Variants in EXOC6 observed in about 807,000 individuals in gnomAD.
The protein encoded by EXOC6 is SEC15-like 1.
Under a neutral mutation model 112.5 loss-of-function variants are expected in EXOC6, and 60 were observed. The ratio of observed to expected loss-of-function variants is 0.53; its 90% CI spans 0.43 to 0.66. EXOC6 has a LOEUF of 0.66. Ranked by LOEUF, EXOC6 falls within the 30% of genes least tolerant of loss-of-function variation. The pLI is 0.00. For missense variants in EXOC6, 855 were observed against 957.1 expected (o/e 0.89, Z 1.41); for synonymous variants, 295 against 308.0 (o/e 0.96, Z 0.44).
At chr10:92,894,698 T>A (rs1367784480) in intron 2 of EXOC6, 96 bp from the exon 3 acceptor site, 37 of 932,216 alleles carry the variant, frequency 4.0e-5, no homozygotes, top group Non-Finnish European at 5.8e-5. Flanking sequence ...TTGTTCTAAG[T>A]TTCTCATGAA....
intron 19 of EXOC6, among the ~76,000 whole-genome samples, chr10:93,003,479 C>T (rs995667774): frequency 6.6e-5 from 10 of 151,994 alleles, no homozygotes; most frequent in Non-Finnish European, 1.0e-4. Flanking sequence ...TTCCTTGTGA[C>T]GGGTGACACA....
At chr10:92,830,979 G>A (rs1846465139), upstream of EXOC6, among the ~76,000 whole-genome samples, 1 of 152,188 alleles carries the variant, frequency 6.6e-6, no homozygotes, top group Non-Finnish European at 1.5e-5. Flanking sequence ...TATGAGACAG[G>A]GGAGATTGTT....
chr10:93,056,926 C>T lies in EXOC6; in HGVS notation c.2172C>T (p.Leu724=), dbSNP rs181544052. ...LQLAFIDLRQ[L]LDLFMVWDWS... Reference sequence around the variant, plus strand: ...AACATTTCCCCCATCTTTCGCAGCTCCTTGACCTGTTTATGGTTTGGGATT... The same window carrying T: ...AACATTTCCCCCATCTTTCGCAGCTTCTTGACCTGTTTATGGTTTGGGATT... Residue 724 remains leucine, a splice_region_variant and synonymous_variant, in exon 21 of 22, where the codon CTC becomes CTT. Transcript: ENST00000260762. The T allele has an allele frequency of 7.0e-5, 111 of 1,580,232 alleles. No individual in the cohort carries two copies. The East Asian group carries it at 2.3e-3, about 33-fold the overall frequency.
chr10:92,976,740 A>G (rs1195457313), intron 18 of EXOC6, among the ~76,000 whole-genome samples: 2 of 152,030 alleles, frequency 1.3e-5, no homozygotes, highest in African/African-American at 4.8e-5. Context: ...ATTACTGGCT[A>G]TTTTTGAGCC....
At chr10:92,837,526 G>A (rs989028114) in intron 1 of EXOC6, among the ~76,000 whole-genome samples, 3 of 152,206 alleles carry the variant, frequency 2.0e-5, no homozygotes, top group Admixed American at 1.3e-4. Context: ...AAAATTAGTT[G>A]GTGGCTTGTG....
chr10:92,928,434 A>G lies in EXOC6; in HGVS notation c.972+12A>G. On this transcript the variant is annotated intron_variant, in intron 9 of 21. Coordinates refer to ENST00000260762, the MANE Select transcript of EXOC6 (RefSeq NM_019053.6). ...CCCAGTCGAATATGGTAAGTATGCGATATTTTGAATTGGTTATGTTGTCAC... is the reference window on the plus strand; with the variant it reads ...CCCAGTCGAATATGGTAAGTATGCGGTATTTTGAATTGGTTATGTTGTCAC... 6.5e-7 allele frequency: 1 copy of G among 1,539,396 alleles called. No homozygotes were observed. Among genetic ancestry groups the G allele is most frequent in the Non-Finnish European group, 9.0e-7 (1 of 1,115,192 alleles).
At chr10:92,851,710 C>CA (rs920938055) in intron 1 of EXOC6, among the ~76,000 whole-genome samples, 15 of 150,258 alleles carry the variant, frequency 1.0e-4, no homozygotes, top group African/African-American at 3.4e-4. Context: ...ACCAAACAAA[C>CA]AAAAAAACGG....
rs1564859214 is a variant in EXOC6 at position 92,954,648 on chromosome 10, T to C, written c.1545T>C (p.Asp515=). The change falls in exon 16 of 22, where the codon GAT becomes GAC. Residue 515 remains aspartate (D), a synonymous_variant. Transcript: ENST00000260762. ...SLHRSSTEID[D]MLRKSTNLLL... ...TTTTTAGCTCAACAGAAATAGACGA[T>C]ATGCTTAGAAAATCAACAAATCTGC... is the stretch of plus-strand genomic sequence containing the variant. 4.4e-6 allele frequency: 7 copies of C among 1,595,616 alleles called. No homozygotes were observed. The highest frequency in any genetic ancestry group is 6.0e-6 in the Non-Finnish European group (7 of 1,165,788).
chr10:92,961,781 A>G (rs1239901575), intron 17 of EXOC6, among the ~76,000 whole-genome samples: 2 of 151,704 alleles, frequency 1.3e-5, no homozygotes, highest in African/African-American at 4.8e-5. Context: ...GCAGAAATAG[A>G]GTAGGGAGAT....
At chr10:92,957,694 A>C (rs17108019) in intron 17 of EXOC6, among the ~76,000 whole-genome samples, 3,010 of 152,270 alleles carry the variant, frequency 0.02, 141 homozygotes, top group East Asian at 0.15. Context: ...TTTGAAGGTC[A>C]AGTATTTTTC....
Position 92,858,029 on chromosome 10 carries a change from CT to C in EXOC6, c.101+9396del, listed in dbSNP as rs200549943. Among the ~76,000 whole-genome samples, 74 of 136,102 alleles carry C rather than the reference CT, an allele frequency of 5.4e-4. 9 individuals are homozygous for C. The highest frequency in any genetic ancestry group is 1.1e-3 in the South Asian group (4 of 3,714). 89.3% of individuals were successfully genotyped at this position (136,102 alleles called of 152,430 possible). On this transcript the variant is annotated intron_variant, in intron 1 of 21. Coordinates refer to ENST00000260762, the MANE Select transcript of EXOC6 (RefSeq NM_019053.6). ...GATTTTTAGTTGACGGGTTCCCCCC[CT>C]CCGCCGGCCAGCAGTTTGAATATGT...
At chr10:92,858,625 A>G (rs1054236815) in intron 1 of EXOC6, among the ~76,000 whole-genome samples, 1 of 152,016 alleles carries the variant, frequency 6.6e-6, no homozygotes, top group Non-Finnish European at 1.5e-5. Flanking sequence ...TTCTTTATCC[A>G]TCTCTATTTG....
chr10:92,999,427 TTTC>T (rs1168274896), intron 19 of EXOC6: 2 of 288,964 alleles, frequency 6.9e-6, no homozygotes, highest in South Asian at 2.9e-5. Context: ...TTGAAACTGG[TTTC>T]TTAAGTTTCT....
intron 1 of EXOC6, among the ~76,000 whole-genome samples, chr10:92,835,777 T>C (rs929500014): frequency 2.0e-5 from 3 of 152,154 alleles, no homozygotes; most frequent in African/African-American, 7.2e-5. Context: ...GGTAAACAAT[T>C]GAGATTTGTT....
At chr10:92,893,900 T>A (rs1849625894) in intron 2 of EXOC6, among the ~76,000 whole-genome samples, 1 of 152,222 alleles carries the variant, frequency 6.6e-6, no homozygotes, top group Non-Finnish European at 1.5e-5. Context: ...GTTCTCAGCA[T>A]TATTTAATAA....
upstream of EXOC6, among the ~76,000 whole-genome samples, chr10:92,843,576 G>A (rs751281523): frequency 6.6e-6 from 1 of 152,214 alleles, no homozygotes; most frequent in Non-Finnish European, 1.5e-5. Context: ...TTGGCCGGGC[G>A]CGGTGGCTCA....
chr10:92,987,709 T>C, intron 18 of EXOC6: 1 of 780,500 alleles, frequency 1.3e-6, no homozygotes, highest in Non-Finnish European at 1.6e-6. Flanking sequence ...AGGCTTATTT[T>C]TCTCTGCTTA....
chr10:93,044,150 G>A (rs1357896681), intron 20 of EXOC6, among the ~76,000 whole-genome samples: 1 of 152,138 alleles, frequency 6.6e-6, no homozygotes, highest in Non-Finnish European at 1.5e-5. Context: ...TGTGCTTTGA[G>A]GCTATGGAAA....
In EXOC6 at chr10:92,966,501, T is replaced by C. The variant is rs537385917; in HGVS notation, c.1774-7552T>C. On this transcript the variant is annotated intron_variant, in intron 17 of 21. Coordinates refer to ENST00000260762, the MANE Select transcript of EXOC6 (RefSeq NM_019053.6). ...CCCTTCCTGTGTCCATGTGTTCTCA[T>C]TGTTCAATTCCCATCTATGAGTGAG... is the stretch of plus-strand genomic sequence containing the variant. Among the ~76,000 whole-genome samples, 144 of 141,452 alleles carry C rather than the reference T, an allele frequency of 1.0e-3. 1 individual carries two copies. Among genetic ancestry groups the C allele is most frequent in the African/African-American group, 3.7e-3 (141 of 38,036 alleles). 92.8% of individuals were successfully genotyped at this position (141,452 alleles called of 152,430 possible). A position where few individuals can be genotyped will look rare whatever the true frequency, so the allele number is the denominator to read the frequency against.
Sources: gnomAD v4.1 joint callset for allele counts (sites outside exome capture counted in the v4.1 genomes callset) on GRCh38, gnomAD v4.1.1 for gene constraint, MANE v1.5 for transcripts, NCBI Gene and HGNC (gene_info 2026-07-23, HGNC 2026-07-21) for gene names.